The following SDK1 variants were observed in gnomAD, a reference collection of about 807,000 sequenced individuals.
SDK1 encodes the protein sidekick cell adhesion molecule 1.
A neutral mutation model predicts 245.5 loss-of-function variants in SDK1; 157 were observed. That is an observed-to-expected ratio of 0.64 (90% CI 0.56 to 0.73). SDK1 has a LOEUF of 0.73. SDK1 is among the 30% of genes least tolerant of loss of function. The pLI, the probability that SDK1 is intolerant of heterozygous loss-of-function variation, is 0.00. For missense variants in SDK1, 3,583 were observed against 3,002.3 expected (o/e 1.19, Z -4.52); for synonymous variants, 1,647 against 1,278.5 (o/e 1.29, Z -6.15).
At chr7:3,324,105 G>T (rs1404429696) in intron 1 of SDK1, among the ~76,000 whole-genome samples, 1 of 152,158 alleles carries the variant, frequency 6.6e-6, no homozygotes, top group Non-Finnish European at 1.5e-5. Flanking sequence ...CTATTCTAGG[G>T]AGATACTCAT....
At chr7:3,901,132 T>G (rs1781775921) in intron 5 of SDK1, among the ~76,000 whole-genome samples, 1 of 152,204 alleles carries the variant, frequency 6.6e-6, no homozygotes, top group Non-Finnish European at 1.5e-5. Flanking sequence ...CCTTCAGTCT[T>G]GAATTTGGCT....
intron 4 of SDK1, among the ~76,000 whole-genome samples, chr7:3,671,227 A>G (rs1298039040): frequency 2.0e-5 from 3 of 152,332 alleles, no homozygotes; most frequent in East Asian, 3.9e-4. Flanking sequence ...TTAAATGTCA[A>G]GTCACTTCCT....
chr7:3,464,698 G>GTATATA (rs141577885), intron 1 of SDK1, among the ~76,000 whole-genome samples: 3,251 of 147,976 alleles, frequency 0.022, 123 homozygotes, highest in African/African-American at 0.071. Context: ...GTGTATGTAT[G>GTATATA]TATATATATA....
chr7:4,049,781 C>A (rs1789301784), intron 18 of SDK1, among the ~76,000 whole-genome samples: 1 of 152,166 alleles, frequency 6.6e-6, no homozygotes, highest in Non-Finnish European at 1.5e-5. Flanking sequence ...ACTACTTCTT[C>A]CCAGAAGGAG....
intron 1 of SDK1, among the ~76,000 whole-genome samples, chr7:3,590,381 G>A (rs1281525298): frequency 6.9e-6 from 1 of 144,562 alleles, no homozygotes. Flanking sequence ...ACAAATTATG[G>A]ATAAATTGGA....
rs1211368825 is a variant in SDK1, at chr7:3,813,188, GCCATGCTGGTGCGCTGCAC to G, written c.714-8258_714-8240del. 4.7e-5 allele frequency among the ~76,000 whole-genome samples: 7 copies of G among 149,282 alleles called. No homozygotes were observed. In the East Asian group the frequency reaches 1.4e-3, roughly 30 times the overall value. On this transcript the variant is annotated intron_variant, in intron 4 of 44. Coordinates refer to ENST00000404826, the MANE Select transcript of SDK1 (RefSeq NM_152744.4). ...AGGTTAGTTACATATGTATACATGT[GCCATGCTGGTGCGCTGCAC>G]CCACTAACTCGTCATCTAGCATTAG...
intron 5 of SDK1, among the ~76,000 whole-genome samples, chr7:3,873,986 G>C (rs971473279): frequency 6.6e-6 from 1 of 151,882 alleles, no homozygotes; most frequent in African/African-American, 2.4e-5. Context: ...ATTTTTCCTT[G>C]CTTTTTTTCA....
intron 1 of SDK1, among the ~76,000 whole-genome samples, chr7:3,427,284 C>G (rs147870652): frequency 1.3e-5 from 2 of 152,068 alleles, no homozygotes; most frequent in Admixed American, 6.6e-5. Context: ...TTTGGGAGGC[C>G]GAGACAGACG....
At chr7:3,927,376 C>G (rs1779809279) in intron 5 of SDK1, among the ~76,000 whole-genome samples, 1 of 152,150 alleles carries the variant, frequency 6.6e-6, no homozygotes, top group South Asian at 2.1e-4. Context: ...TGAGCACCTA[C>G]CGTGTGCTGG....
At chr7:4,002,907 C>G (rs551188713) in intron 14 of SDK1, among the ~76,000 whole-genome samples, 3 of 152,348 alleles carry the variant, frequency 2.0e-5, no homozygotes, top group African/African-American at 7.2e-5. Flanking sequence ...TCGCTCTGTT[C>G]ATCTTTCTTC....
chr7:3,328,293 T>C (rs570215630), intron 1 of SDK1, among the ~76,000 whole-genome samples: 100 of 152,258 alleles, frequency 6.6e-4, no homozygotes, highest in Non-Finnish European at 1.2e-3. Context: ...TGAAGTAATA[T>C]ATCATAAAAC....
chr7:3,428,551 T>C (rs1036027755), intron 1 of SDK1, among the ~76,000 whole-genome samples: 1 of 152,204 alleles, frequency 6.6e-6, no homozygotes, highest in Non-Finnish European at 1.5e-5. Flanking sequence ...AATTAAATAC[T>C]CATGGAGTTC....
At chr7:3,964,416 A>G (rs989719291) in intron 9 of SDK1, among the ~76,000 whole-genome samples, 3 of 152,222 alleles carry the variant, frequency 2.0e-5, no homozygotes, top group African/African-American at 7.2e-5. Flanking sequence ...TGGAAAGACT[A>G]TTGAGTGAAT....
At position 3,301,651 on chromosome 7, in the gene SDK1, G is replaced by T; in HGVS notation, c.65G>T (p.Arg22Leu). Residue 22 changes from arginine (R) to leucine (L), a missense_variant, in exon 1 of 45, where the codon CGC becomes CTC. Physicochemically the swap from Arg to Leu is moderately radical, Grantham distance 102. Transcript: ENST00000404826. The stretch of plus-strand genomic sequence containing the variant: ...GGCGGCGGCGCGGAGCCCCCTGAGC[G>T]CGCGGGCCCCGGGCGGCCGCGGGGA... ...GGGGGAEPPE[R>L]AGPGRPRGSP... 1 of 976,574 alleles carries T rather than the reference G, an allele frequency of 1.0e-6. No individual in the cohort carries two copies. Among genetic ancestry groups the T allele is most frequent in the Non-Finnish European group, 1.2e-6 (1 of 826,188 alleles). The allele number at this position is 976,574 out of a possible 1,614,324, so 60.5% of individuals were successfully genotyped here.
intron 4 of SDK1, among the ~76,000 whole-genome samples, chr7:3,720,348 C>T (rs1204494190): frequency 6.6e-6 from 1 of 152,050 alleles, no homozygotes; most frequent in Non-Finnish European, 1.5e-5. Context: ...CTAGAATATA[C>T]TAGAATATAT....
chr7:3,911,792 G>A (rs1039008039), intron 5 of SDK1, among the ~76,000 whole-genome samples: 1 of 152,188 alleles, frequency 6.6e-6, no homozygotes, highest in African/African-American at 2.4e-5. Context: ...ACAAGGAGCA[G>A]GCCCTGCCCT....
At chr7:3,865,131 A>G (rs1454020146) in intron 5 of SDK1, among the ~76,000 whole-genome samples, 1 of 152,132 alleles carries the variant, frequency 6.6e-6, no homozygotes, top group Non-Finnish European at 1.5e-5. Context: ...TCATACCCCC[A>G]TCTTGGGAAG....
intron 1 of SDK1, among the ~76,000 whole-genome samples, chr7:3,526,658 C>G (rs1327868882): frequency 1.3e-5 from 2 of 152,106 alleles, no homozygotes; most frequent in African/African-American, 4.8e-5. Context: ...ATGATTGTTT[C>G]CTGCAGTCCC....
chr7:3,828,227 G>A (rs543919475), intron 5 of SDK1, among the ~76,000 whole-genome samples: 9 of 152,034 alleles, frequency 5.9e-5, no homozygotes, highest in East Asian at 1.9e-4. Context: ...GCAGTGAGCC[G>A]AGATCACTCC....
Sources: gnomAD v4.1 joint callset for allele counts (sites outside exome capture counted in the v4.1 genomes callset) on GRCh38, gnomAD v4.1.1 for gene constraint, MANE v1.5 for transcripts, NCBI Gene and HGNC (gene_info 2026-07-23, HGNC 2026-07-21) for gene names.